ST6GALNAC5: variants seen among roughly 807,000 people sequenced by gnomAD.
The protein encoded by ST6GALNAC5 is alpha-N-acetylgalactosaminide alpha-2,6-sialyltransferase 5.
In ST6GALNAC5, 27 loss-of-function variants were observed where a neutral mutation model predicts 33.6. The ratio of observed to expected loss-of-function variants is 0.80; its 90% CI spans 0.59 to 1.11. The LOEUF is 1.11. Ranked by LOEUF, ST6GALNAC5 falls within the 50% of genes least tolerant of loss-of-function variation. The pLI is 0.00. For synonymous variants in ST6GALNAC5, 194 were observed against 171.2 expected (o/e 1.13, Z -1.04); for missense variants, 428 against 454.0 (o/e 0.94, Z 0.52).
intron 2 of ST6GALNAC5, among the ~76,000 whole-genome samples, chr1:76,905,484 A>G (rs1438167974): frequency 1.3e-5 from 2 of 152,180 alleles, no homozygotes. Flanking sequence ...TGGGAAGGGA[A>G]CAGCGTATTT....
At chr1:76,952,876 T>C (rs1647808504) in intron 2 of ST6GALNAC5, among the ~76,000 whole-genome samples, 1 of 152,078 alleles carries the variant, frequency 6.6e-6, no homozygotes, top group South Asian at 2.1e-4. Context: ...CCCCATCCTC[T>C]CACAACTACT....
At chr1:76,952,426 G>C (rs1647786753) in intron 2 of ST6GALNAC5, among the ~76,000 whole-genome samples, 1 of 151,996 alleles carries the variant, frequency 6.6e-6, no homozygotes, top group African/African-American at 2.4e-5. Flanking sequence ...CACAAGTGTG[G>C]GGTCCCCATG....
At chr1:76,919,567 G>C (rs1254260078) in intron 2 of ST6GALNAC5, among the ~76,000 whole-genome samples, 2 of 152,118 alleles carry the variant, frequency 1.3e-5, no homozygotes, top group Non-Finnish European at 2.9e-5. Context: ...TGATCACACT[G>C]AGCATATATC....
chr1:76,942,591 C>T (rs2100326639), intron 2 of ST6GALNAC5, among the ~76,000 whole-genome samples: 1 of 152,220 alleles, frequency 6.6e-6, no homozygotes, highest in East Asian at 1.9e-4. Flanking sequence ...CCTTCTGGAG[C>T]TCTAAGCACA....
intron 2 of ST6GALNAC5, among the ~76,000 whole-genome samples, chr1:76,901,601 T>A (rs1390364518): frequency 6.6e-6 from 1 of 152,198 alleles, no homozygotes; most frequent in African/African-American, 2.4e-5. Flanking sequence ...CAGGGTACTT[T>A]GGGAATATAA....
chr1:76,993,376 A>T (rs769379390), intron 2 of ST6GALNAC5, among the ~76,000 whole-genome samples: 2 of 152,170 alleles, frequency 1.3e-5, no homozygotes, highest in Admixed American at 6.5e-5. Flanking sequence ...CAATCAATAG[A>T]TGCTAAACTA....
intron 2 of ST6GALNAC5, among the ~76,000 whole-genome samples, chr1:76,920,833 A>G (rs1428933115): frequency 6.6e-6 from 1 of 152,168 alleles, no homozygotes; most frequent in Non-Finnish European, 1.5e-5. Context: ...AAACACAAAT[A>G]ATAGAGTAAT....
chr1:76,981,129 C>T (rs1649233105), intron 2 of ST6GALNAC5, among the ~76,000 whole-genome samples: 1 of 152,216 alleles, frequency 6.6e-6, no homozygotes, highest in Non-Finnish European at 1.5e-5. Context: ...GTTCATCTCA[C>T]TAGGACTGCT....
chr1:76,930,601 T>A (rs1303411872), intron 2 of ST6GALNAC5, among the ~76,000 whole-genome samples: 3 of 152,168 alleles, frequency 2.0e-5, no homozygotes, highest in African/African-American at 2.4e-5. Flanking sequence ...TTTGGGAGAA[T>A]GATTCTGAAA....
chr1:76,965,229 C>G (rs1352424198), intron 2 of ST6GALNAC5, among the ~76,000 whole-genome samples: 1 of 151,678 alleles, frequency 6.6e-6, no homozygotes, highest in East Asian at 1.9e-4. Flanking sequence ...CCCCCACCAA[C>G]AGTGTAAAAG....
At chr1:76,933,993 C>T (rs780080864) in intron 2 of ST6GALNAC5, among the ~76,000 whole-genome samples, 11 of 151,976 alleles carry the variant, frequency 7.2e-5, no homozygotes, top group Non-Finnish European at 1.2e-4. Flanking sequence ...CTTTCCTGAT[C>T]ACAGCCACAA....
intron 2 of ST6GALNAC5, among the ~76,000 whole-genome samples, chr1:76,885,335 C>T (rs776551123): frequency 4.6e-5 from 7 of 151,154 alleles, no homozygotes; most frequent in South Asian, 2.1e-4. Flanking sequence ...ATTGTCTTCT[C>T]GAAATGACAA....
chr1:77,049,909 C>T (rs907369213), intron 3 of ST6GALNAC5, among the ~76,000 whole-genome samples: 5 of 152,092 alleles, frequency 3.3e-5, no homozygotes, highest in Non-Finnish European at 5.9e-5. Flanking sequence ...CAAGTGTTCT[C>T]GTTAAGAAAG....
chr1:77,014,284 C>T (rs1650744251), intron 2 of ST6GALNAC5, among the ~76,000 whole-genome samples: 1 of 152,192 alleles, frequency 6.6e-6, no homozygotes, highest in African/African-American at 2.4e-5. Context: ...TTCCGTCAGC[C>T]AAGTGACAGG....
rs1001458726 is a variant in ST6GALNAC5, at chr1:77,063,632, CTGTA to C, written c.*430_*433del. The C allele has an allele frequency of 2.4e-5, 4 of 167,406 alleles. No individual in the cohort carries two copies. The highest frequency in any genetic ancestry group is 9.6e-5 in the African/African-American group (4 of 41,814). The allele number at this position is 167,406 out of a possible 1,614,324, so 10.4% of individuals were successfully genotyped here. A position where few individuals can be genotyped will look rare whatever the true frequency, so the allele number is the denominator to read the frequency against. On this transcript the variant is annotated 3_prime_UTR_variant, in exon 5 of 5. Coordinates refer to ENST00000477717, the MANE Select transcript of ST6GALNAC5 (RefSeq NM_030965.3). ...TATAACCTTTGTCATCTGTTAGACT[CTGTA>C]TGTGTGATTTGTAAAAAGCAGGCTG...
chr1:77,050,393 A>T, intron 4 of ST6GALNAC5, 28 bp downstream of exon 4: 1 of 1,588,492 alleles, frequency 6.3e-7, no homozygotes, highest in Middle Eastern at 1.7e-4. Context: ...AGTGTAAATC[A>T]TCAGCCGTGT....
At chr1:76,976,455 A>G (rs964927445) in intron 2 of ST6GALNAC5, among the ~76,000 whole-genome samples, 1 of 152,036 alleles carries the variant, frequency 6.6e-6, no homozygotes. Flanking sequence ...GATTTCCATT[A>G]TTTGTCTTGG....
chr1:76,954,443 T>A (rs1647873637), intron 2 of ST6GALNAC5, among the ~76,000 whole-genome samples: 1 of 152,008 alleles, frequency 6.6e-6, no homozygotes, highest in South Asian at 2.1e-4. Context: ...AATGCCAAGG[T>A]GCTGAAATGA....
At chr1:77,052,873 A>C (rs899489526) in intron 4 of ST6GALNAC5, among the ~76,000 whole-genome samples, 2 of 146,802 alleles carry the variant, frequency 1.4e-5, no homozygotes, top group Non-Finnish European at 3.0e-5. Flanking sequence ...AGCCGAGATC[A>C]TTCCACTGCC....
Sources: allele counts gnomAD v4.1 joint callset (sites outside exome capture counted in the v4.1 genomes callset), GRCh38; gene constraint gnomAD v4.1.1; transcripts MANE v1.5; gene names NCBI Gene and HGNC (gene_info 2026-07-23, HGNC 2026-07-21).